The following APOL4 variants were observed in gnomAD, a reference collection of about 807,000 sequenced individuals.
APOL4 encodes the protein apolipoprotein L4.
Under a neutral mutation model 12.1 loss-of-function variants are expected in APOL4, and 14 were observed. The ratio of observed to expected loss-of-function variants is 1.16; its 90% CI spans 0.76 to 1.81. The LOEUF (loss-of-function observed/expected upper bound fraction) is 1.81. APOL4 is among the 40% of genes most tolerant of loss of function. The pLI, the probability that APOL4 is intolerant of heterozygous loss-of-function variation, is 0.00. For synonymous variants in APOL4, 171 were observed against 160.6 expected (o/e 1.06, Z -0.49); for missense variants, 432 against 423.1 (o/e 1.02, Z -0.18).
In APOL4 at chr22:36,191,822, C is replaced by T. The variant is rs1005347908; in HGVS notation, c.300G>A (p.Gln100=). Residue 100 remains glutamine, a synonymous_variant, in exon 4 of 4, where the codon CAG becomes CAA. Transcript: ENST00000683024. ...ACTCTTTCAAAAACCACTCCCTAAA[C>T]TGCTGTTCTTTTTGCTGCATGTCTT... ...EDKDMQQKEQ[Q]FREWFLKEFP... The T allele has an allele frequency of 3.7e-6, 6 of 1,613,854 alleles. No individual in the cohort carries two copies. The highest frequency in any genetic ancestry group is 2.7e-5 in the African/African-American group (2 of 74,912).
intron 2 of APOL4, chr22:36,197,945 C>G: frequency 7.2e-7 from 1 of 1,384,900 alleles, no homozygotes; most frequent in Non-Finnish European, 9.4e-7. Flanking sequence ...CCACACCCAC[C>G]TGTGCCACAG....
rs1047859061 is a variant in APOL4 at position 36,201,754 on chromosome 22, C to T, written c.-20G>A. 8.1e-6 allele frequency: 13 copies of T among 1,603,778 alleles called. No individual in the cohort carries two copies. The highest frequency in any genetic ancestry group is 1.1e-5 in the Non-Finnish European group (13 of 1,175,250). On this transcript the variant is annotated 5_prime_UTR_variant, in exon 1 of 4. Transcript: ENST00000683024. ...TCCCATCCTCCTTGGTCATTGTTGG[C>T]CTGGCTCAGACGCTGATCTGGGGCC...
chr22:36,201,741 TG>T lies in APOL4; in HGVS notation c.-8del. 1 of 1,605,920 alleles carries T rather than the reference TG, an allele frequency of 6.2e-7. No individual in the cohort carries two copies. Among genetic ancestry groups the T allele is most frequent in the South Asian group, 1.1e-5 (1 of 89,182 alleles). ...GCTGCACCCAGGATCCCATCCTCCT[TG>T]GTCATTGTTGGCCTGGCTCAGACGC... On this transcript the variant is annotated 5_prime_UTR_variant, in exon 1 of 4. Coordinates refer to ENST00000683024, the MANE Select transcript of APOL4 (RefSeq NM_001386885.1).
At chr22:36,192,718 C>T (rs2014295643) in intron 3 of APOL4, among the ~76,000 whole-genome samples, 1 of 152,172 alleles carries the variant, frequency 6.6e-6, no homozygotes, top group Admixed American at 6.5e-5. Flanking sequence ...CTTTGTTTCC[C>T]TGGTGGTTTG....
At chr22:36,196,740 GA>G (rs2014422304) in intron 2 of APOL4, among the ~76,000 whole-genome samples, 1 of 152,170 alleles carries the variant, frequency 6.6e-6, no homozygotes, top group Non-Finnish European at 1.5e-5. Flanking sequence ...AGGAGAAATT[GA>G]GACCCAGACA....
chr22:36,199,566 TC>T, intron 1 of APOL4, 190 bp from the exon 2 acceptor site: 1 of 1,565,804 alleles, frequency 6.4e-7, no homozygotes, highest in Admixed American at 1.9e-5. Flanking sequence ...TCATTCCAGC[TC>T]CCTCTTCCCT....
chr22:36,202,618 C>T (rs1019965531), upstream of APOL4, among the ~76,000 whole-genome samples: 141 of 151,648 alleles, frequency 9.3e-4, 1 homozygote, highest in African/African-American at 3.3e-3. Context: ...CCCAGCTACT[C>T]GGGAGGCTGA....
Position 36,190,202 on chromosome 22 carries a change from G to A in APOL4, c.*873C>T. 1 of 103,606 alleles carries A rather than the reference G, an allele frequency of 9.7e-6. No homozygotes were observed. Among genetic ancestry groups the A allele is most frequent in the Non-Finnish European group, 1.8e-5 (1 of 54,846 alleles). The allele number at this position is 103,606 out of a possible 1,614,324, so 6.4% of individuals were successfully genotyped here. A position where few individuals can be genotyped will look rare whatever the true frequency, so the allele number is the denominator to read the frequency against. On this transcript the variant is annotated 3_prime_UTR_variant, in exon 4 of 4. Coordinates refer to ENST00000683024, the MANE Select transcript of APOL4 (RefSeq NM_001386885.1). ...TTAGGGACTTTCAAAAGGGGAGGGAGTGTATGAATAGGGTGTGGGTGTGGG... is the reference window on the plus strand; with the variant it reads ...TTAGGGACTTTCAAAAGGGGAGGGAATGTATGAATAGGGTGTGGGTGTGGG...
chr22:36,199,489 A>G lies in APOL4; in HGVS notation c.36-113T>C, dbSNP rs2014506571. ...CTCTGAGGTGGCAGCAAATGCCAAG[A>G]CCAACCTAACCCAGATTCTTTCTCT... On this transcript the variant is annotated intron_variant, in intron 1 of 3. Transcript: ENST00000683024. The G allele has an allele frequency of 1.9e-6, 3 of 1,612,768 alleles. No individual in the cohort carries two copies. The Admixed American group carries it at 5.0e-5, about 27-fold the overall frequency.
chr22:36,202,244 C>G, upstream of APOL4: 1 of 720,424 alleles, frequency 1.4e-6, no homozygotes. Flanking sequence ...GTAGCTGGGA[C>G]TACAGGTGCA....
rs540322985 is a variant in APOL4 at position 36,190,395 on chromosome 22, C to A, written c.*680G>T. ...CAGGAGACAGGGTTTTGAGAGCAAC[C>A]GGTCTGACCAAAATTTATTAGGCGG... On this transcript the variant is annotated 3_prime_UTR_variant, in exon 4 of 4. Transcript: ENST00000683024. The A allele has an allele frequency of 6.6e-6, 1 of 152,202 alleles. No homozygotes were observed. Among genetic ancestry groups the A allele is most frequent in the Non-Finnish European group, 1.5e-5 (1 of 68,074 alleles). The allele number at this position is 152,202 out of a possible 1,614,324, so 9.4% of individuals were successfully genotyped here.
rs1172632293 is a variant in APOL4 at position 36,191,788 on chromosome 22, T to G, written c.334A>C (p.Ile112Leu). The G allele has an allele frequency of 6.3e-7, 1 of 1,586,660 alleles. No homozygotes were observed. Residue 112 changes from isoleucine (I) to leucine (L), a missense_variant, in exon 4 of 4, where the codon ATC (isoleucine) becomes CTC (leucine). Transcript: ENST00000683024. ...ATGGACTCCTGAATCTTCCATCTGATTTGAGGAAACTCTTTCAAAAACCAC... is the reference window on the plus strand; with the variant it reads ...ATGGACTCCTGAATCTTCCATCTGAGTTGAGGAAACTCTTTCAAAAACCAC... ...REWFLKEFPQ[I>L]RWKIQESIER...
chr22:36,196,132 C>T (rs2014407955), intron 2 of APOL4, among the ~76,000 whole-genome samples: 1 of 152,226 alleles, frequency 6.6e-6, no homozygotes, highest in Non-Finnish European at 1.5e-5. Flanking sequence ...TGATCGCTTC[C>T]TCCTGCCATG....
At chr22:36,197,588 C>A (rs1021085030) in intron 2 of APOL4, 4 of 1,477,342 alleles carry the variant, frequency 2.7e-6, no homozygotes, top group African/African-American at 1.4e-5. Flanking sequence ...TGTAACCCCC[C>A]ATGAAACTGC....
At chr22:36,196,552 G>T (rs1045036786) in intron 2 of APOL4, among the ~76,000 whole-genome samples, 2 of 152,212 alleles carry the variant, frequency 1.3e-5, no homozygotes, top group Admixed American at 6.5e-5. Context: ...TTAGTACACA[G>T]CAGGATTACT....
In APOL4 at chr22:36,195,356, C is replaced by G. The variant is rs140324556; in HGVS notation, c.164G>C (p.Ser55Thr). The G allele has an allele frequency of 3.2e-4, 523 of 1,613,862 alleles. 2 individuals are homozygous for G. In the African/African-American group the frequency reaches 6.4e-3, roughly 20 times the overall value. The change falls in exon 3 of 4, where the codon AGC becomes ACC. Residue 55 changes from serine (S) to threonine (T), a missense_variant. By Grantham distance (58) the Ser-to-Thr change is moderately conservative (BLOSUM62 1). Transcript: ENST00000683024. ...SPVHLKILLT[S>T]DEAWKRFVRV... ...CACAAATCTCTTCCAGGCTTCATCG[C>G]TAGTCAGCAGGATTTTCAGATGCAC...
chr22:36,201,967 A>C, upstream of APOL4: 1 of 1,613,964 alleles, frequency 6.2e-7, no homozygotes, highest in Non-Finnish European at 8.5e-7. Flanking sequence ...CCTCCCTCCC[A>C]CCTCAGGGCT....
intron 2 of APOL4, chr22:36,197,684 C>G: frequency 6.5e-7 from 1 of 1,550,362 alleles, no homozygotes; most frequent in Non-Finnish European, 8.7e-7. Flanking sequence ...TCATGAGCAG[C>G]CAGCTGACAG....
Position 36,191,716 on chromosome 22 carries a change from C to T in APOL4, c.406G>A (p.Gly136Ser), listed in dbSNP as rs761069234. The T allele has an allele frequency of 6.2e-7, 1 of 1,613,966 alleles. No individual in the cohort carries two copies. Among genetic ancestry groups the T allele is most frequent in the African/African-American group, 1.3e-5 (1 of 74,950 alleles). The change falls in exon 4 of 4, where the codon GGC becomes AGC. Residue 136 changes from glycine to serine, a missense_variant. Physicochemically the swap from Gly to Ser is moderately conservative, Grantham distance 56. Transcript: ENST00000683024. ...GACACCACATTGGCGATGACGCAGCCTCTGTGGACCTTTTCAATCTCATTT... is the reference window on the plus strand; with the variant it reads ...GACACCACATTGGCGATGACGCAGCTTCTGTGGACCTTTTCAATCTCATTT... ...IANEIEKVHRGCVIANVVSGS... is the reference protein window; with the variant it reads ...IANEIEKVHRSCVIANVVSGS...
Sources: gnomAD v4.1 joint callset for allele counts (sites outside exome capture counted in the v4.1 genomes callset) on GRCh38, gnomAD v4.1.1 for gene constraint, MANE v1.5 for transcripts, NCBI Gene and HGNC (gene_info 2026-07-23, HGNC 2026-07-21) for gene names.